The following CAST variants were observed in gnomAD, a reference collection of about 807,000 sequenced individuals.
CAST encodes the protein MIR583 host.
In CAST, 76 loss-of-function variants were observed where a neutral mutation model predicts 119.6. The ratio of observed to expected loss-of-function variants is 0.64; its 90% CI spans 0.53 to 0.77. The LOEUF (loss-of-function observed/expected upper bound fraction) is 0.77, where lower values mean the gene tolerates loss of function less well. Ranked by LOEUF, CAST falls within the 30% of genes least tolerant of loss-of-function variation. CAST has a pLI of 0.00. For synonymous variants in CAST, 319 were observed against 331.6 expected, an observed-to-expected ratio of 0.96 and a Z score of 0.41; for missense variants, 953 against 946.5, an observed-to-expected ratio of 1.01 and a Z score of -0.09.
chr5:96,413,104 A>T, the CAST span: 1 of 233,894 alleles, frequency 4.3e-6, no homozygotes, highest in African/African-American at 2.3e-5. Flanking sequence ...CTAAGCCCTG[A>T]TTAAAAATAA....
chr5:96,505,435 C>T, the CAST span, among the ~76,000 whole-genome samples: 16 of 151,786 alleles, frequency 1.1e-4, no homozygotes, highest in South Asian at 6.3e-4. Flanking sequence ...AGCCGAGACC[C>T]GCCACTGCAC....
At chr5:95,970,471 G>A in the CAST span, among the ~76,000 whole-genome samples, 1 of 152,224 alleles carries the variant, frequency 6.6e-6, no homozygotes, top group Non-Finnish European at 1.5e-5. Context: ...AAAGATCATT[G>A]CTTTTGGTAG....
chr5:96,473,716 A>C, the CAST span, among the ~76,000 whole-genome samples: 1 of 152,226 alleles, frequency 6.6e-6, no homozygotes, highest in African/African-American at 2.4e-5. Context: ...TCTCATGGCC[A>C]TTCAGTCTCT....
the CAST span, among the ~76,000 whole-genome samples, chr5:96,377,424 T>C: frequency 2.0e-3 from 298 of 151,866 alleles, no homozygotes; most frequent in African/African-American, 6.2e-3. Context: ...AGGCGAATCA[T>C]TTTTTTTCTC....
At position 96,773,289 on chromosome 5, in the gene CAST, A is replaced by G. The variant is rs565560245; in HGVS notation, c.*673A>G. Reference sequence around the variant, plus strand: ...CCAGGTGTGAGGACTTCTGCATCTTACAGTCAGCACAGAACACACTGAGAC... The same window carrying G: ...CCAGGTGTGAGGACTTCTGCATCTTGCAGTCAGCACAGAACACACTGAGAC... On this transcript the variant is annotated 3_prime_UTR_variant, in exon 32 of 32. Transcript: ENST00000675179. The G allele has an allele frequency of 6.5e-6, 1 of 153,398 alleles. No homozygotes were observed. Among genetic ancestry groups the G allele is most frequent in the South Asian group, 2.1e-4 (1 of 4,826 alleles). The allele number at this position is 153,398 out of a possible 1,614,324, so 9.5% of individuals were successfully genotyped here. A position where few individuals can be genotyped will look rare whatever the true frequency, so the allele number is the denominator to read the frequency against.
chr5:96,355,163 A>G, the CAST span, among the ~76,000 whole-genome samples: 2 of 151,832 alleles, frequency 1.3e-5, no homozygotes, highest in African/African-American at 4.8e-5. Context: ...TATTCCTCCT[A>G]ATGCTATCCC....
the CAST span, among the ~76,000 whole-genome samples, chr5:96,355,715 T>G: frequency 6.6e-6 from 1 of 152,102 alleles, no homozygotes; most frequent in Non-Finnish European, 1.5e-5. Context: ...CTTTTATTTT[T>G]TTTTTGAGAC....
At chr5:96,275,595 T>A in the CAST span, among the ~76,000 whole-genome samples, 1 of 152,228 alleles carries the variant, frequency 6.6e-6, no homozygotes, top group African/African-American at 2.4e-5. Context: ...GCTATACCAT[T>A]CTCTGCTCTC....
the CAST span, among the ~76,000 whole-genome samples, chr5:96,060,053 G>A: frequency 6.6e-6 from 1 of 152,138 alleles, no homozygotes; most frequent in Non-Finnish European, 1.5e-5. Context: ...AGCTGTGTCA[G>A]ATGTGGTATC....
At chr5:96,570,020 C>T (rs1248069797) in intron 1 of CAST, among the ~76,000 whole-genome samples, 3 of 152,204 alleles carry the variant, frequency 2.0e-5, no homozygotes, top group Non-Finnish European at 4.4e-5. Flanking sequence ...ATCATAGTGA[C>T]AGGCTGTATC....
chr5:96,265,668 A>G, the CAST span, among the ~76,000 whole-genome samples: 32 of 152,160 alleles, frequency 2.1e-4, no homozygotes, highest in Non-Finnish European at 4.0e-4. Flanking sequence ...ACTCTCACAG[A>G]CACACCCAGA....
At chr5:96,250,230 C>G in the CAST span, among the ~76,000 whole-genome samples, 1 of 152,098 alleles carries the variant, frequency 6.6e-6, no homozygotes, top group African/African-American at 2.4e-5. Context: ...GATCACCAAA[C>G]TAAAGGCTTT....
the CAST span, among the ~76,000 whole-genome samples, chr5:96,177,485 G>A: frequency 6.6e-6 from 1 of 152,138 alleles, no homozygotes; most frequent in African/African-American, 2.4e-5. Context: ...CAGAGACTCT[G>A]CCAGGATCAA....
chr5:96,392,859 A>G, the CAST span: 3 of 811,156 alleles, frequency 3.7e-6, no homozygotes, highest in East Asian at 4.8e-5. Context: ...TCACATGTAC[A>G]GTTTAGGGAG....
At chr5:96,612,125 A>G (rs1561429982) in intron 1 of CAST, among the ~76,000 whole-genome samples, 1 of 152,208 alleles carries the variant, frequency 6.6e-6, no homozygotes, top group Non-Finnish European at 1.5e-5. Flanking sequence ...TAGTTCTACT[A>G]AAGCTATTCC....
At chr5:96,513,297 A>G in the CAST span, among the ~76,000 whole-genome samples, 9 of 152,246 alleles carry the variant, frequency 5.9e-5, no homozygotes, top group African/African-American at 2.2e-4. Context: ...GAACAAACAC[A>G]TATCTGTCCT....
At chr5:96,006,677 G>C in the CAST span, among the ~76,000 whole-genome samples, 1 of 152,194 alleles carries the variant, frequency 6.6e-6, no homozygotes, top group Admixed American at 6.5e-5. Context: ...TGCTGTTGCT[G>C]TCATCAGAAC....
chr5:96,379,469 CA>C, the CAST span: 1 of 152,178 alleles, frequency 6.6e-6, no homozygotes, highest in South Asian at 2.1e-4. Flanking sequence ...GCTAGGGCAA[CA>C]AAAATGGAGT....
At chr5:96,110,953 C>A in the CAST span, 1 of 152,218 alleles carries the variant, frequency 6.6e-6, no homozygotes, top group Non-Finnish European at 1.5e-5. Context: ...TTCTCGAGTT[C>A]TCTTCAGAGA....
Sources: gnomAD v4.1 joint callset for allele counts (sites outside exome capture counted in the v4.1 genomes callset) on GRCh38, gnomAD v4.1.1 for gene constraint, MANE v1.5 for transcripts, NCBI Gene and HGNC (gene_info 2026-07-23, HGNC 2026-07-21) for gene names.